CCNK: variants seen among roughly 807,000 people sequenced by gnomAD.
CCNK encodes the protein cyclin K, also known as cyclin-K.
A neutral mutation model predicts 65.0 loss-of-function variants in CCNK; 9 were observed. The ratio of observed to expected loss-of-function variants is 0.14; its 90% CI spans 0.08 to 0.24. The LOEUF is 0.24. Among genes scored for constraint, CCNK ranks in the 10% least tolerant of loss-of-function variants. The pLI, the probability that CCNK is intolerant of heterozygous loss-of-function variation, is 1.00. For missense variants in CCNK, 474 were observed against 720.0 expected (o/e 0.66, Z 3.91); for synonymous variants, 279 against 270.8 (o/e 1.03, Z -0.30).
At chr14:99,504,962 G>C (rs1430518055) in intron 9 of CCNK, 1 of 152,298 alleles carries the variant, frequency 6.6e-6, no homozygotes, top group East Asian at 1.9e-4. Context: ...AAGTACGCAA[G>C]TGAGCAAAGG....
At chr14:99,508,352 G>A (rs1395350875) in intron 10 of CCNK, 1 of 152,410 alleles carries the variant, frequency 6.6e-6, no homozygotes, top group Admixed American at 6.5e-5. Context: ...GAGATGGGTG[G>A]TTTATCTGGG....
chr14:99,501,934 A>G (rs1177568942), intron 6 of CCNK: 2 of 298,458 alleles, frequency 6.7e-6, no homozygotes, highest in Non-Finnish European at 1.2e-5. Context: ...AACAGTTTAA[A>G]TAACATAAGT....
intron 8 of CCNK, 148 bp from the exon 9 acceptor site, chr14:99,503,463 G>A: frequency 1.5e-6 from 1 of 647,010 alleles, no homozygotes; most frequent in South Asian, 1.9e-5. Context: ...GCCGTGGTTT[G>A]CCCTGAAAGT....
At chr14:99,499,777 T>A (rs1039148488) in intron 4 of CCNK, among the ~76,000 whole-genome samples, 14 of 152,156 alleles carry the variant, frequency 9.2e-5, no homozygotes, top group African/African-American at 3.4e-4. Context: ...ACCTCGTTAG[T>A]GGGGTGGAAA....
At chr14:99,492,051 C>A (rs1896608603) in intron 1 of CCNK, 1 of 152,258 alleles carries the variant, frequency 6.6e-6, no homozygotes. Flanking sequence ...CCACTTCCAT[C>A]CACCCACTCC....
At chr14:99,503,529 T>C in intron 8 of CCNK, 82 bp from the exon 9 acceptor site, 1 of 1,247,348 alleles carries the variant, frequency 8.0e-7, no homozygotes, top group Non-Finnish European at 1.1e-6. Context: ...CGTCGCTGAT[T>C]CTGGTGGTAC....
At position 99,503,001 on chromosome 14, in the gene CCNK, A is replaced by G. The variant is rs1230566897; in HGVS notation, c.1011+17A>G. The G allele has an allele frequency of 6.2e-7, 1 of 1,613,696 alleles. No homozygotes were observed. Among genetic ancestry groups the G allele is most frequent in the African/African-American group, 1.3e-5 (1 of 74,934 alleles). ...CGAGCCGTGGTGAGTGGGCTAAAGC[A>G]GGCCCTGGGTAGAGCAGGCTTTCCA... On this transcript the variant is annotated intron_variant, in intron 8 of 10. Transcript: ENST00000389879.
Position 99,510,252 on chromosome 14 carries a change from G to GCC in CCNK, c.1215_1216dup (p.His406ProfsTer25). On this transcript the variant is annotated frameshift_variant, in exon 11 of 11. Coordinates refer to ENST00000389879, the MANE Select transcript of CCNK (RefSeq NM_001099402.2). LOFTEE classifies it high-confidence loss of function. Reference sequence around the variant, plus strand: ...CCCCAAAGTCCAGATTCCCCCTCCGGCCCACCCGGCCCCTGTGCACCAGCC... The same window carrying GCC: ...CCCCAAAGTCCAGATTCCCCCTCCGGCCCCCACCCGGCCCCTGTGCACCAGCC... 1.3e-6 allele frequency: 2 copies of GCC among 1,558,606 alleles called. No homozygotes were observed. The highest frequency in any genetic ancestry group is 1.2e-5 in the South Asian group (1 of 85,896).
At chr14:99,488,180 C>T (rs1172789925) in intron 1 of CCNK, among the ~76,000 whole-genome samples, 1 of 151,926 alleles carries the variant, frequency 6.6e-6, no homozygotes, top group Non-Finnish European at 1.5e-5. Flanking sequence ...CATTATTACC[C>T]CCAAAGAAAA....
Position 99,502,216 on chromosome 14 carries a change from C to T in CCNK, c.585C>T (p.Thr195=), listed in dbSNP as rs780225159. The T allele has an allele frequency of 6.3e-7, 1 of 1,591,430 alleles. No individual in the cohort carries two copies. Among genetic ancestry groups the T allele is most frequent in the South Asian group, 1.1e-5 (1 of 87,532 alleles). The stretch of plus-strand genomic sequence containing the variant: ...TTTCTTGTTGAACTAGTCTCTGCAC[C>T]ACCTTGTCACTGCAGTGGGAACCAG... ...AWTFVNDSLC[T]TLSLQWEPEI... The change falls in exon 7 of 11, where the codon ACC becomes ACT. Residue 195 remains threonine, a synonymous_variant. Transcript: ENST00000389879.
At position 99,481,450 on chromosome 14, in the gene CCNK, C is replaced by G. The variant is rs1292700507; in HGVS notation, c.-82C>G. On this transcript the variant is annotated 5_prime_UTR_variant, in exon 1 of 11. Coordinates refer to ENST00000389879, the MANE Select transcript of CCNK (RefSeq NM_001099402.2). ...GATGGCCGCAGTCGGCAAGGAGAGA[C>G]GTCGCTGAGGGGCTTGCCTGAAGCG... 2 of 398,624 alleles carry G rather than the reference C, an allele frequency of 5.0e-6. No homozygotes were observed. Among genetic ancestry groups the G allele is most frequent in the Non-Finnish European group, 8.8e-6 (2 of 226,114 alleles). 24.7% of individuals were successfully genotyped at this position (398,624 alleles called of 1,614,324 possible).
chr14:99,505,538 A>C (rs1896952618), intron 9 of CCNK: 1 of 152,184 alleles, frequency 6.6e-6, no homozygotes, highest in African/African-American at 2.4e-5. Context: ...TTATTTCCAG[A>C]GTCTTGCTCT....
chr14:99,493,205 C>T (rs1032823088), intron 2 of CCNK: 2 of 418,986 alleles, frequency 4.8e-6, no homozygotes, highest in Non-Finnish European at 8.4e-6. Flanking sequence ...GAGTTCGAGA[C>T]CAACCTGGGC....
At chr14:99,499,173 G>T (rs1335651926) in intron 4 of CCNK, among the ~76,000 whole-genome samples, 2 of 152,162 alleles carry the variant, frequency 1.3e-5, no homozygotes, top group Non-Finnish European at 2.9e-5. Context: ...CCAAGTAGGG[G>T]ACTACAGGCG....
At chr14:99,488,043 T>C (rs749150479) in intron 1 of CCNK, among the ~76,000 whole-genome samples, 7 of 152,172 alleles carry the variant, frequency 4.6e-5, no homozygotes, top group Non-Finnish European at 1.0e-4. Flanking sequence ...TTTTGCCATG[T>C]TTACTGTGTG....
At chr14:99,482,384 G>C (rs1896363080) in intron 1 of CCNK, among the ~76,000 whole-genome samples, 1 of 152,238 alleles carries the variant, frequency 6.6e-6, no homozygotes, top group Non-Finnish European at 1.5e-5. Context: ...GGAGCTTTCA[G>C]CGCCTAGAAC....
intron 1 of CCNK, among the ~76,000 whole-genome samples, chr14:99,490,746 C>T (rs549260632): frequency 2.1e-3 from 312 of 152,052 alleles, no homozygotes; most frequent in Non-Finnish European, 3.8e-3. Flanking sequence ...GCTAACACGG[C>T]GAAACCCCAT....
intron 1 of CCNK, among the ~76,000 whole-genome samples, chr14:99,482,348 G>A (rs1008490357): frequency 9.9e-5 from 15 of 152,218 alleles, no homozygotes; most frequent in African/African-American, 3.6e-4. Context: ...AGGTTTGTAT[G>A]AATGATGTTG....
chr14:99,507,227 A>C, intron 10 of CCNK, 80 bp downstream of exon 10: 1 of 881,580 alleles, frequency 1.1e-6, no homozygotes, highest in Non-Finnish European at 1.9e-6. Flanking sequence ...GGGAACTTAG[A>C]AAAGGGAGAC....
Sources: allele counts gnomAD v4.1 joint callset (sites outside exome capture counted in the v4.1 genomes callset), GRCh38; gene constraint gnomAD v4.1.1; transcripts MANE v1.5; gene names NCBI Gene and HGNC (gene_info 2026-07-23, HGNC 2026-07-21).